PRKD1: variants seen among roughly 807,000 people sequenced by gnomAD.
PRKD1 encodes protein kinase D1.
Under a neutral mutation model 95.9 loss-of-function variants are expected in PRKD1, and 63 were observed. The ratio of observed to expected loss-of-function variants is 0.66; its 90% CI spans 0.54 to 0.81. PRKD1 has a LOEUF of 0.81. Among genes scored for constraint, PRKD1 ranks in the 30% least tolerant of loss-of-function variants. The probability of loss-of-function intolerance (pLI) is 0.00; values close to 1 mark genes in which losing one functional copy is unlikely to be tolerated. For synonymous variants in PRKD1, 425 were observed against 423.1 expected (o/e 1.00, Z -0.05); for missense variants, 1,048 against 1,165.3 (o/e 0.90, Z 1.47).
intron 1 of PRKD1, among the ~76,000 whole-genome samples, chr14:29,819,518 G>A (rs962902967): frequency 6.6e-6 from 1 of 151,892 alleles, no homozygotes; most frequent in South Asian, 2.1e-4. Context: ...GTGAAACCCC[G>A]TCCCTACTAA....
intron 1 of PRKD1, among the ~76,000 whole-genome samples, chr14:29,801,736 T>C (rs998947892): frequency 9.2e-5 from 14 of 152,188 alleles, no homozygotes; most frequent in African/African-American, 3.4e-4. Context: ...TTGCCCAGGC[T>C]GGAGTGCAAT....
At chr14:29,874,301 T>C (rs370559870) in intron 1 of PRKD1, among the ~76,000 whole-genome samples, 1 of 152,148 alleles carries the variant, frequency 6.6e-6, no homozygotes, top group African/African-American at 2.4e-5. Context: ...CCAGTTAGAA[T>C]GGCTTTTAAA....
intron 1 of PRKD1, among the ~76,000 whole-genome samples, chr14:29,905,948 G>C (rs771515343): frequency 9.2e-5 from 14 of 152,212 alleles, no homozygotes; most frequent in Non-Finnish European, 1.5e-4. Flanking sequence ...ATCTGAGAAG[G>C]CTTAAACACT....
At chr14:29,596,464 T>C (rs1053764505) in intron 16 of PRKD1, among the ~76,000 whole-genome samples, 2 of 135,202 alleles carry the variant, frequency 1.5e-5, no homozygotes, top group African/African-American at 7.8e-5. Flanking sequence ...TGTCACTTCT[T>C]TTTTTTTGAG....
intron 13 of PRKD1, among the ~76,000 whole-genome samples, chr14:29,602,785 A>T (rs1407271311): frequency 6.6e-6 from 1 of 151,632 alleles, no homozygotes; most frequent in African/African-American, 2.4e-5. Context: ...CCTTTTTCCT[A>T]CTCCACAACA....
chr14:29,912,194 T>C (rs1340752531), intron 1 of PRKD1, among the ~76,000 whole-genome samples: 1 of 152,144 alleles, frequency 6.6e-6, no homozygotes, highest in East Asian at 1.9e-4. Flanking sequence ...TAACAACATC[T>C]ACAAAGTCCC....
intron 1 of PRKD1, among the ~76,000 whole-genome samples, chr14:29,912,602 G>A (rs184552337): frequency 1.3e-5 from 2 of 152,250 alleles, no homozygotes; most frequent in African/African-American, 2.4e-5. Flanking sequence ...GCTACAGTCC[G>A]TACATTCCTA....
intron 1 of PRKD1, among the ~76,000 whole-genome samples, chr14:29,775,125 A>G (rs1888679964): frequency 6.6e-6 from 1 of 152,200 alleles, no homozygotes; most frequent in African/African-American, 2.4e-5. Context: ...AAAAAAAATG[A>G]ACTTACTGTG....
intron 1 of PRKD1, among the ~76,000 whole-genome samples, chr14:29,868,820 AT>A (rs1195010398): frequency 2.0e-5 from 3 of 152,220 alleles, no homozygotes; most frequent in Non-Finnish European, 4.4e-5. Flanking sequence ...TCAAGTTATT[AT>A]TCTAGTTCCT....
At chr14:29,859,804 T>C (rs1892640332) in intron 1 of PRKD1, among the ~76,000 whole-genome samples, 1 of 152,128 alleles carries the variant, frequency 6.6e-6, no homozygotes, top group African/African-American at 2.4e-5. Flanking sequence ...ATTCAAAGCA[T>C]GCAAAAAGAC....
At chr14:29,612,495 T>C (rs1044835737) in intron 13 of PRKD1, among the ~76,000 whole-genome samples, 2 of 152,124 alleles carry the variant, frequency 1.3e-5, no homozygotes, top group African/African-American at 4.8e-5. Flanking sequence ...ATGAAGGAAA[T>C]AGACCAAGTC....
At chr14:29,592,941 C>T (rs921015455) in intron 16 of PRKD1, among the ~76,000 whole-genome samples, 1 of 152,166 alleles carries the variant, frequency 6.6e-6, no homozygotes, top group Non-Finnish European at 1.5e-5. Context: ...TGGCTAAATA[C>T]ATTAGAAAGA....
At chr14:29,884,244 T>C (rs1421012236) in intron 1 of PRKD1, among the ~76,000 whole-genome samples, 1 of 152,192 alleles carries the variant, frequency 6.6e-6, no homozygotes, top group African/African-American at 2.4e-5. Context: ...TGGCAAGGTT[T>C]TCAATCAGTT....
intron 1 of PRKD1, among the ~76,000 whole-genome samples, chr14:29,918,530 C>T (rs1427052874): frequency 6.6e-6 from 1 of 152,172 alleles, no homozygotes; most frequent in African/African-American, 2.4e-5. Flanking sequence ...CTTGCCGTAA[C>T]ACAAGTGGTG....
At chr14:29,781,802 T>C (rs1889058990) in intron 1 of PRKD1, among the ~76,000 whole-genome samples, 1 of 152,186 alleles carries the variant, frequency 6.6e-6, no homozygotes, top group Non-Finnish European at 1.5e-5. Flanking sequence ...CTAAAGTAAC[T>C]TGACAAGAGA....
At chr14:29,726,214 G>A (rs1218865377) in intron 1 of PRKD1, among the ~76,000 whole-genome samples, 3 of 152,106 alleles carry the variant, frequency 2.0e-5, no homozygotes, top group Admixed American at 6.6e-5. Context: ...GATCAGGGGA[G>A]GCAATCCACC....
chr14:29,915,592 A>G (rs746956914), intron 1 of PRKD1, among the ~76,000 whole-genome samples: 3 of 152,212 alleles, frequency 2.0e-5, no homozygotes, highest in Admixed American at 6.5e-5. Flanking sequence ...CTTGCCACCA[A>G]TAAGAGAATC....
At chr14:29,698,708 A>C (rs1003133070) in intron 2 of PRKD1, among the ~76,000 whole-genome samples, 5 of 151,984 alleles carry the variant, frequency 3.3e-5, no homozygotes, top group African/African-American at 1.2e-4. Flanking sequence ...AATGTGTGAC[A>C]GAGCTGCTTG....
At position 29,684,014 on chromosome 14, in the gene PRKD1, T is replaced by C. The variant is rs78344472; in HGVS notation, c.404-17806A>G. Among the ~76,000 whole-genome samples, 9 of 152,326 alleles carry C rather than the reference T, an allele frequency of 5.9e-5. No individual in the cohort carries two copies. The East Asian group carries it at 1.7e-3, about 29-fold the overall frequency. On this transcript the variant is annotated intron_variant, in intron 2 of 17. Transcript: ENST00000331968. ...ACAAACCCCTTATGCCCAAATGTCT[T>C]AATGCCGTGGGATTTCCTTAGCTAA... is the stretch of plus-strand genomic sequence containing the variant.
Sources: allele counts gnomAD v4.1 joint callset (sites outside exome capture counted in the v4.1 genomes callset), GRCh38; gene constraint gnomAD v4.1.1; transcripts MANE v1.5; gene names NCBI Gene and HGNC (gene_info 2026-07-23, HGNC 2026-07-21).